The following TEC variants were observed in gnomAD, a reference collection of about 807,000 sequenced individuals.
The protein encoded by TEC is tec protein tyrosine kinase, also known as tyrosine-protein kinase Tec.
Under a neutral mutation model 93.0 loss-of-function variants are expected in TEC, and 72 were observed. The observed-to-expected ratio is 0.77, with a 90% CI of 0.64 to 0.94. The LOEUF (loss-of-function observed/expected upper bound fraction) is 0.94, where lower values mean the gene tolerates loss of function less well. TEC is among the 40% of genes least tolerant of loss of function. TEC has a pLI of 0.00. For missense variants in TEC, 630 were observed against 757.9 expected, an observed-to-expected ratio of 0.83 and a Z score of 1.98; for synonymous variants, 249 against 247.7, an observed-to-expected ratio of 1.01 and a Z score of -0.05.
chr4:48,267,772 C>A (rs2109684025), intron 1 of TEC, among the ~76,000 whole-genome samples: 1 of 152,304 alleles, frequency 6.6e-6, no homozygotes, highest in African/African-American at 2.4e-5. Flanking sequence ...GCTGACTCTG[C>A]AGACCAAGTA....
At chr4:48,144,250 T>G (rs1334544902) in intron 14 of TEC, among the ~76,000 whole-genome samples, 1 of 152,168 alleles carries the variant, frequency 6.6e-6, no homozygotes, top group African/African-American at 2.4e-5. Context: ...TTTTCTGCTT[T>G]CTAAAAGAAA....
At chr4:48,218,897 G>A (rs188218888) in intron 2 of TEC, among the ~76,000 whole-genome samples, 93 of 152,232 alleles carry the variant, frequency 6.1e-4, no homozygotes, top group Non-Finnish European at 1.1e-3. Flanking sequence ...CAAGCATCTC[G>A]TAACAAGAGA....
intron 1 of TEC, among the ~76,000 whole-genome samples, chr4:48,259,532 G>A (rs758111270): frequency 6.6e-5 from 10 of 151,992 alleles, no homozygotes; most frequent in African/African-American, 1.2e-4. Flanking sequence ...CCTGGCCAAC[G>A]TGGCAAAAGC....
chr4:48,141,293 C>G, intron 15 of TEC, 62 bp downstream of exon 15: 2 of 1,421,366 alleles, frequency 1.4e-6, no homozygotes, highest in South Asian at 2.3e-5. Flanking sequence ...ATTATTCCCA[C>G]ACTTATTAAT....
rs769743582 is a variant in TEC at position 48,146,305 on chromosome 4, A to G, written c.1081+20T>C. 3.7e-6 allele frequency: 6 copies of G among 1,610,616 alleles called. No homozygotes were observed. In the Admixed American group the frequency reaches 1.0e-4, roughly 27 times the overall value. ...CTTTTCAAGGAAAATTAGCTCATGC[A>G]ACCACAAAATAAGAGTTACCATAGC... On this transcript the variant is annotated intron_variant, in intron 12 of 17. Coordinates refer to ENST00000381501, the MANE Select transcript of TEC (RefSeq NM_003215.3).
rs2109546588 is a variant in TEC at position 48,170,480 on chromosome 4, T to TTACTATAGTATACTATAGTA, written c.326-105_326-104insTACTATAGTATACTATAGTA. On this transcript the variant is annotated intron_variant, in intron 4 of 17. Transcript: ENST00000381501. ...ATTACTTATTTCTTGGACACTATGT[T>TTACTATAGTATACTATAGTA]TACTATAAGAACGCCCTTAGATCAC... 6 of 813,788 alleles carry TTACTATAGTATACTATAGTA rather than the reference T, an allele frequency of 7.4e-6. No individual in the cohort carries two copies. The East Asian group carries it at 1.6e-4, about 22-fold the overall frequency. 50.4% of individuals were successfully genotyped at this position (813,788 alleles called of 1,614,324 possible).
At chr4:48,159,236 T>C (rs1461085009) in intron 8 of TEC, among the ~76,000 whole-genome samples, 1 of 152,176 alleles carries the variant, frequency 6.6e-6, no homozygotes, top group African/African-American at 2.4e-5. Context: ...ATTTGGCTCA[T>C]GGTCCTGCAG....
At chr4:48,163,806 C>A in intron 7 of TEC, 39 bp from the exon 8 acceptor site, 1 of 1,114,710 alleles carries the variant, frequency 9.0e-7, no homozygotes, top group Non-Finnish European at 1.3e-6. Context: ...ACTTACTTTA[C>A]TGGGAGGTTA....
At chr4:48,261,233 C>G (rs58901005) in intron 1 of TEC, among the ~76,000 whole-genome samples, 5 of 152,266 alleles carry the variant, frequency 3.3e-5, no homozygotes, top group Admixed American at 3.3e-4. Context: ...AATTCAAAAG[C>G]ATGTATACCT....
In TEC at chr4:48,176,119, T is replaced by C. The variant is rs1201307682; in HGVS notation, c.206A>G (p.Asp69Gly). The change falls in exon 3 of 18, where the codon GAT becomes GGT. Residue 69 changes from aspartate (D) to glycine (G), a missense_variant. By Grantham distance (94) the Asp-to-Gly change is moderately conservative (BLOSUM62 -1). Around this residue, in one of 3 missense-constraint regions of TEC, gnomAD observed 335 missense variants for 351.5 expected, o/e 0.95. Transcript: ENST00000381501. ...CTTATTTTGACAGGGAATGACACCA[T>C]CATCATTCTTCACTATTTCCACACA... ...IKCVEIVKND[D>G]GVIPCQNKYP... The C allele has an allele frequency of 3.1e-6, 5 of 1,613,716 alleles. No individual in the cohort carries two copies. Among genetic ancestry groups the C allele is most frequent in the Non-Finnish European group, 4.2e-6 (5 of 1,179,744 alleles).
At chr4:48,217,094 C>T (rs1723105173) in intron 2 of TEC, among the ~76,000 whole-genome samples, 1 of 151,764 alleles carries the variant, frequency 6.6e-6, no homozygotes, top group Non-Finnish European at 1.5e-5. Context: ...AGATGGTAAA[C>T]AGTAACAAGT....
intron 1 of TEC, among the ~76,000 whole-genome samples, chr4:48,257,028 A>G (rs1724363093): frequency 6.6e-6 from 1 of 152,190 alleles, no homozygotes; most frequent in Admixed American, 6.5e-5. Flanking sequence ...TTAAGCAGTA[A>G]ATAATTTTTT....
chr4:48,158,333 T>C (rs1720482955), intron 8 of TEC, among the ~76,000 whole-genome samples: 1 of 152,190 alleles, frequency 6.6e-6, no homozygotes, highest in African/African-American at 2.4e-5. Flanking sequence ...ATCGGAGGTG[T>C]TGAACCAGGC....
At chr4:48,245,104 C>T (rs80263699) in intron 1 of TEC, among the ~76,000 whole-genome samples, 2,230 of 152,178 alleles carry the variant, frequency 0.015, 57 homozygotes, top group African/African-American at 0.05. Flanking sequence ...ACCATCCTGG[C>T]CAACATGGTG....
Position 48,182,708 on chromosome 4 carries a change from C to G in TEC, c.139-6522G>C, listed in dbSNP as rs571448783. 4.6e-5 allele frequency among the ~76,000 whole-genome samples: 7 copies of G among 152,190 alleles called. No homozygotes were observed. In the East Asian group the frequency reaches 1.4e-3, roughly 29 times the overall value. On this transcript the variant is annotated intron_variant, in intron 2 of 17. Coordinates refer to ENST00000381501, the MANE Select transcript of TEC (RefSeq NM_003215.3). ...TTTAAACTACACATCAACTGAATGG[C>G]AGAACTCGGAGTTAGATGGATGAGA...
intron 2 of TEC, among the ~76,000 whole-genome samples, chr4:48,207,732 A>G (rs1475955577): frequency 6.6e-6 from 1 of 152,044 alleles, no homozygotes; most frequent in African/African-American, 2.4e-5. Flanking sequence ...AGGCTACAGT[A>G]AGCCATGATT....
At position 48,240,093 on chromosome 4, in the gene TEC, GCTTC is replaced by G. The variant is rs534975853; in HGVS notation, c.-45-11438_-45-11435del. On this transcript the variant is annotated intron_variant, in intron 1 of 17. Transcript: ENST00000381501. ...ACAGATAAAATAATGTCTGTGATTT[GCTTC>G]CTAATCTGAAGGGTATGGAAGAGTA... Among the ~76,000 whole-genome samples the G allele has an allele frequency of 6.6e-5, 10 of 152,000 alleles. No individual in the cohort carries two copies. In the South Asian group the frequency reaches 2.1e-3, roughly 32 times the overall value.
intron 2 of TEC, among the ~76,000 whole-genome samples, chr4:48,207,082 A>G (rs1354811943): frequency 6.6e-6 from 1 of 152,250 alleles, no homozygotes; most frequent in Non-Finnish European, 1.5e-5. Flanking sequence ...AATTTGAACT[A>G]TGCCTTAAAG....
intron 8 of TEC, 67 bp downstream of exon 8, chr4:48,163,635 G>T: frequency 1.9e-6 from 2 of 1,029,004 alleles, no homozygotes; most frequent in Non-Finnish European, 2.8e-6. Flanking sequence ...TCTTCAAAAT[G>T]CCTTACATAA....
Sources: gnomAD v4.1 joint callset for allele counts (sites outside exome capture counted in the v4.1 genomes callset) on GRCh38, gnomAD v4.1.1 for gene constraint, gnomAD v4.1.1 regional missense constraint, MANE v1.5 for transcripts, NCBI Gene and HGNC (gene_info 2026-07-23, HGNC 2026-07-21) for gene names.